Variants in TMPRSS2 observed in about 807,000 individuals in gnomAD.
The protein encoded by TMPRSS2 is transmembrane serine protease 2, also known as transmembrane protease serine 2.
A neutral mutation model predicts 67.4 loss-of-function variants in TMPRSS2; 59 were observed. The ratio of observed to expected loss-of-function variants is 0.88; its 90% CI spans 0.71 to 1.09. The LOEUF (loss-of-function observed/expected upper bound fraction) is 1.09, where lower values mean the gene tolerates loss of function less well. Ranked by LOEUF, TMPRSS2 falls within the 50% of genes least tolerant of loss-of-function variation. The pLI, the probability that TMPRSS2 is intolerant of heterozygous loss-of-function variation, is 0.00. For missense variants in TMPRSS2, 668 were observed against 642.7 expected, an observed-to-expected ratio of 1.04 and a Z score of -0.43; for synonymous variants, 257 against 257.0, an observed-to-expected ratio of 1.00 and a Z score of 0.00.
At chr21:41,503,871 A>C (rs748985037) in intron 1 of TMPRSS2, among the ~76,000 whole-genome samples, 61 of 152,170 alleles carry the variant, frequency 4.0e-4, no homozygotes, top group Non-Finnish European at 3.2e-4. Flanking sequence ...ATTCTCTGTT[A>C]TCAGTATCTT....
chr21:41,477,991 G>C (rs1259681953), intron 7 of TMPRSS2, among the ~76,000 whole-genome samples: 2 of 151,984 alleles, frequency 1.3e-5, no homozygotes, highest in South Asian at 2.1e-4. Flanking sequence ...GCCAAGGGAC[G>C]GCAGCACCTC....
In TMPRSS2 at chr21:41,467,457, G is replaced by A. The variant is rs1190709956; in HGVS notation, c.1467+277C>T. ...ACAGCTGAGTCAGCTGAGCCAGAACGAAGTGTGGTTGGCAGAGCACCAAGG... is the reference window on the plus strand; with the variant it reads ...ACAGCTGAGTCAGCTGAGCCAGAACAAAGTGTGGTTGGCAGAGCACCAAGG... On this transcript the variant is annotated intron_variant, in intron 13 of 13. Transcript: ENST00000332149. Among the ~76,000 whole-genome samples the A allele has an allele frequency of 3.3e-5, 5 of 151,934 alleles. No homozygotes were observed. The South Asian group carries it at 6.2e-4, about 19-fold the overall frequency.
In TMPRSS2 at chr21:41,466,046, C is replaced by A; in HGVS notation, c.*96G>T. On this transcript the variant is annotated 3_prime_UTR_variant, in exon 14 of 14. Transcript: ENST00000332149. ...CACTGTTTAATAAAAATGAAGTGAC[C>A]TCTGAATCATCTCTAAGAGTAAATC... The A allele has an allele frequency of 1.4e-6, 2 of 1,458,840 alleles. No individual in the cohort carries two copies. The highest frequency in any genetic ancestry group is 1.9e-6 in the Non-Finnish European group (2 of 1,048,226). 90.4% of individuals were successfully genotyped at this position (1,458,840 alleles called of 1,614,324 possible). A position where few individuals can be genotyped will look rare whatever the true frequency, so the allele number is the denominator to read the frequency against.
At chr21:41,475,969 G>C (rs1294439287) in intron 8 of TMPRSS2, among the ~76,000 whole-genome samples, 1 of 152,064 alleles carries the variant, frequency 6.6e-6, no homozygotes, top group East Asian at 1.9e-4. Flanking sequence ...TCAGGACCAC[G>C]GCCCCACGAC....
chr21:41,467,865 C>T lies in TMPRSS2; in HGVS notation c.1336G>A (p.Val446Ile). The change falls in exon 13 of 14, where the codon GTC becomes ATC. Residue 446 changes from valine (V) to isoleucine (I), a missense_variant. Transcript: ENST00000332149. ...CACCAGATATTGTTCTTCGAAGTGA[C>T]CAGAGGCCCTCCACTGTCACCCTGT... Reference protein sequence around the residue: ...SCQGDSGGPLVTSKNNIWWLI... With the variant: ...SCQGDSGGPLITSKNNIWWLI... 1 of 1,614,202 alleles carries T rather than the reference C, an allele frequency of 6.2e-7. No individual in the cohort carries two copies. The highest frequency in any genetic ancestry group is 8.5e-7 in the Non-Finnish European group (1 of 1,180,024).
intron 5 of TMPRSS2, chr21:41,486,424 C>G (rs187175193): frequency 1.3e-5 from 2 of 152,262 alleles, no homozygotes; most frequent in Non-Finnish European, 2.9e-5. Flanking sequence ...CTCAGCCTCC[C>G]GAGTAGCTGG....
intron 9 of TMPRSS2, 62 bp downstream of exon 9, chr21:41,473,263 G>C: frequency 6.7e-7 from 1 of 1,501,674 alleles, no homozygotes; most frequent in Non-Finnish European, 9.0e-7. Context: ...CCTGCTCAAG[G>C]TCACAGGGTG....
chr21:41,483,308 C>CT (rs889441594), intron 5 of TMPRSS2, among the ~76,000 whole-genome samples: 3 of 150,788 alleles, frequency 2.0e-5, no homozygotes, highest in Non-Finnish European at 3.0e-5. Flanking sequence ...TCTTCTTCTT[C>CT]TTTTTTTTTC....
At position 41,471,917 on chromosome 21, in the gene TMPRSS2, A is replaced by G. The variant is rs527684898; in HGVS notation, c.964T>C (p.Tyr322His). Residue 322 changes from tyrosine to histidine, a missense_variant, in exon 10 of 14, where the codon TAT (tyrosine) becomes CAT (histidine). Coordinates refer to ENST00000332149, the MANE Select transcript of TMPRSS2 (RefSeq NM_005656.4). ...TTTTCTACTTGGTATCCGGCTCCAT[A>G]GAACATGAAAGATTGTCTCAAAATC... ...AGILRQSFMF[Y>H]GAGYQVEKVI... The G allele has an allele frequency of 1.2e-6, 2 of 1,613,498 alleles. No individual in the cohort carries two copies. Among genetic ancestry groups the G allele is most frequent in the Admixed American group, 3.3e-5 (2 of 60,020 alleles).
At position 41,471,922 on chromosome 21, in the gene TMPRSS2, A is replaced by G. The variant is rs2091136810; in HGVS notation, c.959T>C (p.Met320Thr). The G allele has an allele frequency of 6.2e-7, 1 of 1,613,426 alleles. No individual in the cohort carries two copies. The highest frequency in any genetic ancestry group is 8.5e-7 in the Non-Finnish European group (1 of 1,179,812). The change falls in exon 10 of 14, where the codon ATG becomes ACG. Residue 320 changes from methionine to threonine, a missense_variant. Physicochemically the swap from Met to Thr is moderately conservative, Grantham distance 81. Transcript: ENST00000332149. ...TACTTGGTATCCGGCTCCATAGAAC[A>G]TGAAAGATTGTCTCAAAATCCCCGC... is the stretch of plus-strand genomic sequence containing the variant. The part of the protein sequence containing the change: ...AFAGILRQSF[M>T]FYGAGYQVEK...
chr21:41,476,708 G>A (rs2091216643), intron 7 of TMPRSS2, 88 bp from the exon 8 acceptor site: 1 of 1,173,458 alleles, frequency 8.5e-7, no homozygotes, highest in East Asian at 2.3e-5. Flanking sequence ...TTCTTCCGAT[G>A]TTCCCTCTCC....
intron 1 of TMPRSS2, among the ~76,000 whole-genome samples, chr21:41,500,428 G>A (rs1043273958): frequency 1.3e-5 from 2 of 152,170 alleles, no homozygotes; most frequent in Admixed American, 6.5e-5. Flanking sequence ...GCCCACCACG[G>A]AGCCAAGTAG....
chr21:41,493,694 G>C (rs988013495), intron 3 of TMPRSS2, among the ~76,000 whole-genome samples: 24 of 152,374 alleles, frequency 1.6e-4, no homozygotes, highest in African/African-American at 5.3e-4. Flanking sequence ...GGCAGTGCAA[G>C]AGGGGCGGAC....
At chr21:41,494,247 T>G (rs1601586291) in intron 3 of TMPRSS2, 109 bp downstream of exon 3, 1 of 1,163,126 alleles carries the variant, frequency 8.6e-7, no homozygotes, top group Non-Finnish European at 1.2e-6. Context: ...AGGAGAAGGG[T>G]CAGACCAGGA....
chr21:41,480,483 C>A lies in TMPRSS2; in HGVS notation c.565G>T (p.Gly189Cys), dbSNP rs752474554. Residue 189 changes from glycine to cysteine, a missense_variant, in exon 6 of 14, where the codon GGC becomes TGC. Physicochemically the swap from Gly to Cys is radical, Grantham distance 159. Coordinates refer to ENST00000332149, the MANE Select transcript of TMPRSS2 (RefSeq NM_005656.4). ...NYGRAACRDM[G>C]YKNNFYSSQG... ...GTGCTGCCCCATACTCACTTATAGCCCATGTCCCTGCAGGCCGCCCGCCCG... is the reference window on the plus strand; with the variant it reads ...GTGCTGCCCCATACTCACTTATAGCACATGTCCCTGCAGGCCGCCCGCCCG... 2.5e-6 allele frequency: 4 copies of A among 1,613,440 alleles called. No individual in the cohort carries two copies. Among genetic ancestry groups the A allele is most frequent in the Non-Finnish European group, 3.4e-6 (4 of 1,180,018 alleles).
intron 11 of TMPRSS2, chr21:41,468,945 T>C (rs462448): frequency 0.95 from 161,089 of 169,034 alleles, 77,506 homozygotes; most frequent in African/African-American, 0.99. Flanking sequence ...GGAGCACACG[T>C]GACCCTCCCT....
At chr21:41,469,212 G>A (rs1333100016) in intron 11 of TMPRSS2, among the ~76,000 whole-genome samples, 3 of 152,004 alleles carry the variant, frequency 2.0e-5, no homozygotes, top group South Asian at 2.1e-4. Flanking sequence ...GAAAGCCATC[G>A]TCCCTGACTT....
At chr21:41,490,357 C>A (rs1388088500) in intron 3 of TMPRSS2, among the ~76,000 whole-genome samples, 1 of 152,182 alleles carries the variant, frequency 6.6e-6, no homozygotes, top group Non-Finnish European at 1.5e-5. Flanking sequence ...ATGGATGCTA[C>A]TGTCCCATTC....
chr21:41,475,648 GTGAGTGAGGGTT>G (rs2091205099), intron 8 of TMPRSS2, among the ~76,000 whole-genome samples: 1 of 72,588 alleles, frequency 1.4e-5, no homozygotes. Flanking sequence ...GAGTGAGGAG[GTGAGTGAGGGTT>G]GAGGGAGTGA....
Sources: allele counts gnomAD v4.1 joint callset (sites outside exome capture counted in the v4.1 genomes callset), GRCh38; gene constraint gnomAD v4.1.1; transcripts MANE v1.5; gene names NCBI Gene and HGNC (gene_info 2026-07-23, HGNC 2026-07-21).